The following SIK3 variants were observed in gnomAD, a reference collection of about 807,000 sequenced individuals.
The protein encoded by SIK3 is SIK family kinase 3, also known as serine/threonine-protein kinase SIK3.
A neutral mutation model predicts 144.2 loss-of-function variants in SIK3; 28 were observed. That is an observed-to-expected ratio of 0.19 (90% CI 0.14 to 0.27). The LOEUF (loss-of-function observed/expected upper bound fraction) is 0.27, where lower values mean the gene tolerates loss of function less well. Among genes scored for constraint, SIK3 ranks in the 10% least tolerant of loss-of-function variants. The probability of loss-of-function intolerance (pLI) is 1.00; values close to 1 mark genes in which losing one functional copy is unlikely to be tolerated. For synonymous variants in SIK3, 686 were observed against 676.3 expected (o/e 1.01, Z -0.22); for missense variants, 1,319 against 1,776.0 (o/e 0.74, Z 4.62).
intron 1 of SIK3, among the ~76,000 whole-genome samples, chr11:117,048,943 A>G (rs1414596539): frequency 2.0e-5 from 3 of 152,118 alleles, no homozygotes; most frequent in African/African-American, 7.2e-5. Flanking sequence ...TCTGCTAAAA[A>G]TACAAAAATT....
chr11:116,891,195 T>C (rs73590475), intron 6 of SIK3, among the ~76,000 whole-genome samples: 2,018 of 152,278 alleles, frequency 0.013, 56 homozygotes, highest in African/African-American at 0.045. Context: ...TGCTTGCCTG[T>C]AGTCCCAGCT....
chr11:116,922,070 T>C (rs1947014600), intron 4 of SIK3, among the ~76,000 whole-genome samples: 1 of 152,146 alleles, frequency 6.6e-6, no homozygotes, highest in African/African-American at 2.4e-5. Context: ...TCTTATAGTA[T>C]TTATGACTGA....
At chr11:116,947,527 A>ATGTATG (rs1392701397) in intron 3 of SIK3, among the ~76,000 whole-genome samples, 95 of 94,634 alleles carry the variant, frequency 1.0e-3, no homozygotes, top group East Asian at 8.6e-3. Context: ...AAATATATAT[A>ATGTATG]TATATATGTA....
intron 4 of SIK3, among the ~76,000 whole-genome samples, chr11:116,898,581 A>G (rs1300569898): frequency 1.3e-5 from 2 of 152,038 alleles, no homozygotes; most frequent in African/African-American, 2.4e-5. Flanking sequence ...ACTAGTTTAC[A>G]GTCCCACCAA....
intron 1 of SIK3, among the ~76,000 whole-genome samples, chr11:116,972,805 TAC>T (rs373994439): frequency 4.0e-5 from 6 of 150,642 alleles, no homozygotes; most frequent in Non-Finnish European, 5.9e-5. Flanking sequence ...CACACACACA[TAC>T]ACACACACAC....
At chr11:116,857,472 T>C (rs1295840080) in intron 21 of SIK3, 1 of 277,376 alleles carries the variant, frequency 3.6e-6, no homozygotes, top group Admixed American at 4.9e-5. Flanking sequence ...CTAAATTATG[T>C]TGGGCTGACT....
intron 6 of SIK3, among the ~76,000 whole-genome samples, chr11:116,881,726 A>C (rs1021886630): frequency 1.4e-4 from 21 of 152,204 alleles, no homozygotes; most frequent in African/African-American, 5.1e-4. Flanking sequence ...TAAAAAAAAT[A>C]GGGAAGAAGA....
chr11:116,990,614 C>T (rs940373362), intron 1 of SIK3, among the ~76,000 whole-genome samples: 1 of 152,180 alleles, frequency 6.6e-6, no homozygotes. Context: ...ACAAGTATCT[C>T]CAACCAGACA....
chr11:117,070,317 C>G (rs1044072819), intron 1 of SIK3, among the ~76,000 whole-genome samples: 1 of 152,142 alleles, frequency 6.6e-6, no homozygotes, highest in Non-Finnish European at 1.5e-5. Flanking sequence ...CAGGCATGGT[C>G]GCTACTGCCT....
chr11:117,071,384 A>C (rs1954273592), intron 1 of SIK3, among the ~76,000 whole-genome samples: 1 of 151,972 alleles, frequency 6.6e-6, no homozygotes, highest in Non-Finnish European at 1.5e-5. Context: ...GACTACATGA[A>C]GATCGGGCTT....
chr11:117,052,800 C>T (rs1319623630), intron 1 of SIK3, among the ~76,000 whole-genome samples: 1 of 152,192 alleles, frequency 6.6e-6, no homozygotes, highest in African/African-American at 2.4e-5. Flanking sequence ...GGTTGAAGAG[C>T]TTGCTAAGGT....
At chr11:117,063,255 T>C (rs2135964167) in intron 1 of SIK3, among the ~76,000 whole-genome samples, 1 of 152,302 alleles carries the variant, frequency 6.6e-6, no homozygotes, top group Non-Finnish European at 1.5e-5. Flanking sequence ...CTTCAATGAG[T>C]ACCCACGTCT....
chr11:116,995,298 C>G (rs1272623521), intron 1 of SIK3, among the ~76,000 whole-genome samples: 2 of 149,538 alleles, frequency 1.3e-5, no homozygotes, highest in African/African-American at 4.9e-5. Context: ...GGGTCTCACT[C>G]TGTCACCCAG....
At chr11:117,044,125 G>A (rs964448735) in intron 1 of SIK3, among the ~76,000 whole-genome samples, 4 of 152,030 alleles carry the variant, frequency 2.6e-5, no homozygotes, top group Non-Finnish European at 5.9e-5. Flanking sequence ...CTTTTCAAAG[G>A]AAACAAATTT....
At chr11:116,972,360 T>A (rs963238526) in intron 1 of SIK3, among the ~76,000 whole-genome samples, 4 of 152,122 alleles carry the variant, frequency 2.6e-5, no homozygotes, top group Non-Finnish European at 5.9e-5. Flanking sequence ...TAAACAGAGA[T>A]AATTGACTAA....
rs141878779 is a variant in SIK3, at chr11:117,026,843, G to A, written c.274-69779C>T. On this transcript the variant is annotated intron_variant, in intron 1 of 24. Transcript: ENST00000445177. ...AAAATGAGTCATCATTGTTTCACCCGTCTAAAGGGCAAGGCAAAAACAGTG... is the reference window on the plus strand; with the variant it reads ...AAAATGAGTCATCATTGTTTCACCCATCTAAAGGGCAAGGCAAAAACAGTG... 1.8e-3 allele frequency among the ~76,000 whole-genome samples: 272 copies of A among 152,116 alleles called. 2 individuals carry two copies. Among genetic ancestry groups the A allele is most frequent in the Middle Eastern group, 6.8e-3 (2 of 294 alleles).
intron 19 of SIK3, among the ~76,000 whole-genome samples, chr11:116,859,974 G>A (rs938776733): frequency 1.5e-4 from 23 of 152,300 alleles, no homozygotes; most frequent in African/African-American, 4.6e-4. Flanking sequence ...TAGGCCGGGC[G>A]TGGTGGCTCA....
intron 4 of SIK3, among the ~76,000 whole-genome samples, chr11:116,904,315 G>GAC (rs1420289796): frequency 6.6e-6 from 1 of 152,172 alleles, no homozygotes; most frequent in African/African-American, 2.4e-5. Flanking sequence ...AAGTTCAAGT[G>GAC]ACAAGCAAGA....
At chr11:117,095,663 T>G (rs897920696) in intron 1 of SIK3, among the ~76,000 whole-genome samples, 3 of 152,220 alleles carry the variant, frequency 2.0e-5, no homozygotes, top group Admixed American at 2.0e-4. Flanking sequence ...CCTTCCAAAG[T>G]GGATTCAGAG....
Sources: allele counts gnomAD v4.1 joint callset (sites outside exome capture counted in the v4.1 genomes callset), GRCh38; gene constraint gnomAD v4.1.1; transcripts MANE v1.5; gene names NCBI Gene and HGNC (gene_info 2026-07-23, HGNC 2026-07-21).